Variants in SIPA1L1 observed in about 807,000 individuals in gnomAD.
The protein encoded by SIPA1L1 is signal induced proliferation associated 1 like 1.
A neutral mutation model predicts 162.7 loss-of-function variants in SIPA1L1; 26 were observed. The observed-to-expected ratio is 0.16, with a 90% CI of 0.12 to 0.22. The LOEUF is 0.22. Among genes scored for constraint, SIPA1L1 ranks in the 10% least tolerant of loss-of-function variants. The pLI is 1.00. For missense variants in SIPA1L1, 1,874 were observed against 2,241.0 expected (o/e 0.84, Z 3.31); for synonymous variants, 829 against 837.4 (o/e 0.99, Z 0.17).
intron 4 of SIPA1L1, among the ~76,000 whole-genome samples, chr14:71,546,602 G>T (rs781060784): frequency 2.0e-5 from 3 of 151,874 alleles, no homozygotes; most frequent in Non-Finnish European, 4.4e-5. Context: ...GGCTTGTCTC[G>T]AACTCCTGAC....
At position 71,603,286 on chromosome 14, in the gene SIPA1L1, T is replaced by A. The variant is rs113701333; in HGVS notation, c.1498+13916T>A. ...TTATATAGTTGGATCATATATATAT[T>A]TTTTTTCAAATCAGCCGATCTATAT... On this transcript the variant is annotated intron_variant, in intron 5 of 23. Transcript: ENST00000381232. 8.1e-3 allele frequency among the ~76,000 whole-genome samples: 1,234 copies of A among 152,144 alleles called. 13 individuals carry two copies. The highest frequency in any genetic ancestry group is 0.027 in the African/African-American group (1,105 of 41,536).
intron 7 of SIPA1L1, among the ~76,000 whole-genome samples, chr14:71,629,015 G>GCAAGCTC (rs1482823282): frequency 6.6e-6 from 1 of 152,140 alleles, no homozygotes; most frequent in Non-Finnish European, 1.5e-5. Context: ...TCGGCTCACT[G>GCAAGCTC]CAAGCTCCAC....
At chr14:71,674,224 C>T (rs1469154517) in intron 12 of SIPA1L1, among the ~76,000 whole-genome samples, 2 of 152,144 alleles carry the variant, frequency 1.3e-5, no homozygotes, top group South Asian at 2.1e-4. Flanking sequence ...AAGTCTTTCC[C>T]TTGTATCTAG....
At chr14:71,709,745 A>T in intron 17 of SIPA1L1, 81 bp downstream of exon 17, 1 of 1,178,204 alleles carries the variant, frequency 8.5e-7, no homozygotes, top group Non-Finnish European at 1.2e-6. Flanking sequence ...TACTTTGCTC[A>T]ATAGTGTATA....
In SIPA1L1 at chr14:71,605,173, T is replaced by A. The variant is rs150667436; in HGVS notation, c.1499-13584T>A. On this transcript the variant is annotated intron_variant, in intron 5 of 23. Transcript: ENST00000381232. The stretch of plus-strand genomic sequence containing the variant: ...TTCTGCTTAATCTAGTCTATTGTTG[T>A]TGCTTTCAAATGTATTTTGTATTTC... Among the ~76,000 whole-genome samples the A allele has an allele frequency of 7.1e-3, 1,083 of 152,244 alleles. 11 individuals are homozygous for A. Among genetic ancestry groups the A allele is most frequent in the African/African-American group, 0.02 (837 of 41,576 alleles).
At chr14:71,463,607 G>A (rs1312711833) in intron 2 of SIPA1L1, among the ~76,000 whole-genome samples, 3 of 152,136 alleles carry the variant, frequency 2.0e-5, no homozygotes, top group Non-Finnish European at 4.4e-5. Context: ...ATAAATTGTT[G>A]GTAATGTAGT....
chr14:71,706,487 G>A lies in SIPA1L1; in HGVS notation c.3765+1147G>A, dbSNP rs187910475. ...TTCCCATTATGTTTCTGTAGAAATG[G>A]ATTATATACTTTACACTCTTGATAC... On this transcript the variant is annotated intron_variant, in intron 16 of 23. Coordinates refer to ENST00000381232, the MANE Select transcript of SIPA1L1 (RefSeq NM_001386936.1). Among the ~76,000 whole-genome samples the A allele has an allele frequency of 6.6e-5, 10 of 152,164 alleles. No homozygotes were observed. In the East Asian group the frequency reaches 1.9e-3, roughly 29 times the overall value.
intron 4 of SIPA1L1, among the ~76,000 whole-genome samples, chr14:71,536,584 A>G (rs2145586968): frequency 6.6e-6 from 1 of 152,242 alleles, no homozygotes; most frequent in East Asian, 1.9e-4. Context: ...TGGAAACTCC[A>G]CCCCTGGAAG....
At chr14:71,514,741 C>T (rs1319925187) in intron 3 of SIPA1L1, among the ~76,000 whole-genome samples, 1 of 152,082 alleles carries the variant, frequency 6.6e-6, no homozygotes, top group Non-Finnish European at 1.5e-5. Context: ...GATGTTAGCC[C>T]CCTCTAAAGA....
At chr14:71,600,057 C>T (rs915393060) in intron 5 of SIPA1L1, among the ~76,000 whole-genome samples, 1 of 152,122 alleles carries the variant, frequency 6.6e-6, no homozygotes, top group African/African-American at 2.4e-5. Flanking sequence ...CCCCATTAAA[C>T]TCATGGTTTC....
At chr14:71,505,415 TTTC>T (rs1045415140) in intron 2 of SIPA1L1, among the ~76,000 whole-genome samples, 1 of 147,236 alleles carries the variant, frequency 6.8e-6, no homozygotes, top group Non-Finnish European at 1.5e-5. Context: ...CAGCTCTCTC[TTTC>T]TTCTTTTTTT....
At position 71,446,895 on chromosome 14, in the gene SIPA1L1, TTTTTTTTTTTG is replaced by T. The variant is rs1436957593; in HGVS notation, c.-464-65837_-464-65827del. ...TGCAAATAAAGAGAGATGGGCTCTG[TTTTTTTTTTTG>T]TTTTTTTTTTTTTTTTTTTTTTTGA... is the stretch of plus-strand genomic sequence containing the variant. On this transcript the variant is annotated intron_variant, in intron 2 of 23. Transcript: ENST00000381232. Among the ~76,000 whole-genome samples, 580 of 87,990 alleles carry T rather than the reference TTTTTTTTTTTG, an allele frequency of 6.6e-3. 15 individuals are homozygous for T. The highest frequency in any genetic ancestry group is 0.027 in the African/African-American group (532 of 19,652). The allele number at this position is 87,990 out of a possible 152,430, so 57.7% of individuals were successfully genotyped here. A position where few individuals can be genotyped will look rare whatever the true frequency, so the allele number is the denominator to read the frequency against.
chr14:71,322,016 CG>C lies in SIPA1L1; in HGVS notation c.-465+838del, dbSNP rs1230605037. Among the ~76,000 whole-genome samples the C allele has an allele frequency of 2.0e-5, 3 of 152,270 alleles. No individual in the cohort carries two copies. The East Asian group carries it at 5.8e-4, about 29-fold the overall frequency. ...ACCTTATAGATTTTATTTTTCCTGA[CG>C]GGTAGTTTAGAGGCAGCATTCGCTG... On this transcript the variant is annotated intron_variant, in intron 2 of 23. Transcript: ENST00000381232.
At chr14:71,369,782 TC>T (rs1284195278) in intron 2 of SIPA1L1, among the ~76,000 whole-genome samples, 6 of 148,670 alleles carry the variant, frequency 4.0e-5, no homozygotes, top group Admixed American at 2.1e-4. Context: ...TATTGATTCT[TC>T]CTATCCATGA....
intron 4 of SIPA1L1, among the ~76,000 whole-genome samples, chr14:71,548,885 C>CAAAAAAA (rs774158181): frequency 1.5e-5 from 1 of 65,384 alleles, no homozygotes. Flanking sequence ...AGACTGTCTC[C>CAAAAAAA]AAAAAAAAAA....
intron 2 of SIPA1L1, among the ~76,000 whole-genome samples, chr14:71,481,362 C>T (rs1444593027): frequency 6.6e-6 from 1 of 152,094 alleles, no homozygotes; most frequent in Non-Finnish European, 1.5e-5. Context: ...GCTTGTGATC[C>T]CAGCTACTTG....
In SIPA1L1 at chr14:71,697,934, C is replaced by A. The variant is rs201935529; in HGVS notation, c.3375-1047C>A. Among the ~76,000 whole-genome samples the A allele has an allele frequency of 4.7e-4, 70 of 150,020 alleles. 1 individual carries two copies. In the East Asian group the frequency reaches 8.2e-3, roughly 18 times the overall value. On this transcript the variant is annotated intron_variant, in intron 13 of 23. Transcript: ENST00000381232. The stretch of plus-strand genomic sequence containing the variant: ...ATTATAAACTGTCTTATTAAAAAAA[C>A]AAAAAAAAAACCACAGAAAACAGGC...
intron 4 of SIPA1L1, among the ~76,000 whole-genome samples, chr14:71,581,513 G>A (rs2033923641): frequency 1.3e-5 from 2 of 152,094 alleles, no homozygotes; most frequent in South Asian, 4.1e-4. Context: ...TGGTTGTCCC[G>A]GGGCATCTAT....
chr14:71,495,843 A>G (rs1490406863), intron 2 of SIPA1L1, among the ~76,000 whole-genome samples: 1 of 137,196 alleles, frequency 7.3e-6, no homozygotes, highest in Non-Finnish European at 1.5e-5. Context: ...TGAGGCCAGG[A>G]GTTCGAGACC....
Sources: gnomAD v4.1 joint callset for allele counts (sites outside exome capture counted in the v4.1 genomes callset) on GRCh38, gnomAD v4.1.1 for gene constraint, MANE v1.5 for transcripts, NCBI Gene and HGNC (gene_info 2026-07-23, HGNC 2026-07-21) for gene names.